NUP88: variants seen among roughly 807,000 people sequenced by gnomAD.
The protein encoded by NUP88 is nucleoporin 88, also known as nuclear pore complex protein Nup88.
In NUP88, 57 loss-of-function variants were observed where a neutral mutation model predicts 93.9. The observed-to-expected ratio is 0.61, with a 90% CI of 0.49 to 0.76. The LOEUF is 0.76. Among genes scored for constraint, NUP88 ranks in the 30% least tolerant of loss-of-function variants. The pLI is 0.00. For missense variants in NUP88, 911 were observed against 901.0 expected (o/e 1.01, Z -0.14); for synonymous variants, 346 against 336.8 (o/e 1.03, Z -0.30).
intron 8 of NUP88, among the ~76,000 whole-genome samples, chr17:5,398,806 T>C (rs1382078801): frequency 6.6e-6 from 1 of 150,972 alleles, no homozygotes; most frequent in Non-Finnish European, 1.5e-5. Flanking sequence ...TTGGCCAGGA[T>C]GGTCTCAATC....
rs1178147535 is a variant in NUP88 at position 5,419,485 on chromosome 17, G to A, written c.166C>T (p.Leu56=). 3 of 1,613,928 alleles carry A rather than the reference G, an allele frequency of 1.9e-6. No homozygotes were observed. The highest frequency in any genetic ancestry group is 2.7e-5 in the African/African-American group (2 of 74,942). The change falls in exon 1 of 17, where the codon CTG becomes TTG. Residue 56 remains leucine, a synonymous_variant. Transcript: ENST00000573584. ...SLPSSPPPQL[L]TRNVVFGLGG... is the part of the protein sequence containing the mutation. The stretch of plus-strand genomic sequence containing the variant: ...AGGCCAAAGACCACGTTTCTCGTCA[G>A]CAACTGCGGCGGCGGCGACGAAGGC...
chr17:5,404,755 T>C (rs1913393901), intron 6 of NUP88, among the ~76,000 whole-genome samples: 1 of 152,184 alleles, frequency 6.6e-6, no homozygotes, highest in African/African-American at 2.4e-5. Flanking sequence ...TTTAGGAAGA[T>C]GTTTGTGAAA....
chr17:5,397,715 A>G (rs1244653456), intron 8 of NUP88, among the ~76,000 whole-genome samples: 1 of 150,848 alleles, frequency 6.6e-6, no homozygotes, highest in East Asian at 2.0e-4. Context: ...CCAATAACGG[A>G]TTCAGTCTTT....
At chr17:5,404,923 A>T in intron 6 of NUP88, 134 bp downstream of exon 6, 1 of 821,582 alleles carries the variant, frequency 1.2e-6, no homozygotes, top group Non-Finnish European at 1.9e-6. Flanking sequence ...CTACTTTTTT[A>T]ACTGTTTAAT....
At chr17:5,392,460 C>T (rs972472491) in intron 9 of NUP88, among the ~76,000 whole-genome samples, 1 of 152,208 alleles carries the variant, frequency 6.6e-6, no homozygotes, top group African/African-American at 2.4e-5. Context: ...GTTCCCCTTC[C>T]ATAGCTCCCA....
chr17:5,419,486 C>A lies in NUP88; in HGVS notation c.165G>T (p.Leu55Phe). ...SSLPSSPPPQ[L>F]LTRNVVFGLG... ...GGCCAAAGACCACGTTTCTCGTCAG[C>A]AACTGCGGCGGCGGCGACGAAGGCA... Residue 55 changes from leucine (L) to phenylalanine (F), a missense_variant, in exon 1 of 17, where the codon TTG becomes TTT. Coordinates refer to ENST00000573584, the MANE Select transcript of NUP88 (RefSeq NM_002532.6). The A allele has an allele frequency of 6.2e-7, 1 of 1,614,070 alleles. No homozygotes were observed. Among genetic ancestry groups the A allele is most frequent in the Middle Eastern group, 1.7e-4 (1 of 6,060 alleles).
intron 15 of NUP88, 34 bp downstream of exon 15, chr17:5,386,950 T>G: frequency 6.2e-7 from 1 of 1,604,340 alleles, no homozygotes; most frequent in Non-Finnish European, 8.5e-7. Context: ...TTAAGAAAAA[T>G]TACCAAATTT....
At chr17:5,387,277 G>T in intron 14 of NUP88, 109 bp downstream of exon 14, 1 of 1,261,134 alleles carries the variant, frequency 7.9e-7, no homozygotes, top group South Asian at 1.3e-5. Flanking sequence ...AGGAGAGGCA[G>T]GGGGATCAGT....
rs965174693 is a variant in NUP88 at position 5,404,733 on chromosome 17, C to T, written c.1044+324G>A. On this transcript the variant is annotated intron_variant, in intron 6 of 16. Transcript: ENST00000573584. Reference sequence around the variant, plus strand: ...GTGCACTGTTATTCTGAAGACAAAACGTCTCTCTTCCTTTAGGAAGATGTT... The same window carrying T: ...GTGCACTGTTATTCTGAAGACAAAATGTCTCTCTTCCTTTAGGAAGATGTT... 5.9e-5 allele frequency among the ~76,000 whole-genome samples: 9 copies of T among 152,278 alleles called. No homozygotes were observed. In the East Asian group the frequency reaches 1.4e-3, roughly 23 times the overall value.
intron 9 of NUP88, 42 bp downstream of exon 9, chr17:5,394,849 G>T: frequency 7.6e-7 from 1 of 1,316,356 alleles, no homozygotes; most frequent in Non-Finnish European, 1.1e-6. Context: ...CTGCTGAAAT[G>T]AACAATTGTT....
In NUP88 at chr17:5,387,145, G is replaced by T. The variant is rs373363774; in HGVS notation, c.1917-35C>A. On this transcript the variant is annotated intron_variant, in intron 14 of 16. Coordinates refer to ENST00000573584, the MANE Select transcript of NUP88 (RefSeq NM_002532.6). Reference sequence around the variant, plus strand: ...AGGCAAGCAAACATCTCAATTTAAGGTCTCTACTAATTAGGAGAAACATAA... The same window carrying T: ...AGGCAAGCAAACATCTCAATTTAAGTTCTCTACTAATTAGGAGAAACATAA... The T allele has an allele frequency of 2.0e-5, 32 of 1,607,418 alleles. No homozygotes were observed. The East Asian group carries it at 7.1e-4, about 36-fold the overall frequency.
Position 5,387,381 on chromosome 17 carries a change from C to A in NUP88, c.1916+5G>T. On this transcript the variant is annotated splice_donor_5th_base_variant and intron_variant, in intron 14 of 16. Coordinates refer to ENST00000573584, the MANE Select transcript of NUP88 (RefSeq NM_002532.6). ...AGGTAACTAAATGTTATACAGCCCA[C>A]TGACCTGTTCATGATATCCTCTTGT... 1 of 1,611,358 alleles carries A rather than the reference C, an allele frequency of 6.2e-7. No individual in the cohort carries two copies. Among genetic ancestry groups the A allele is most frequent in the Non-Finnish European group, 8.5e-7 (1 of 1,177,526 alleles).
chr17:5,397,025 G>A (rs1303061759), intron 8 of NUP88, among the ~76,000 whole-genome samples: 1 of 152,050 alleles, frequency 6.6e-6, no homozygotes, highest in Non-Finnish European at 1.5e-5. Flanking sequence ...TTTTGTAATA[G>A]TATTCTTGAA....
chr17:5,418,060 C>T (rs562545434), intron 1 of NUP88: 1 of 150,144 alleles, frequency 6.7e-6, no homozygotes, highest in Non-Finnish European at 1.5e-5. Context: ...AGAAGAATCG[C>T]TTGAAACTGG....
intron 5 of NUP88, among the ~76,000 whole-genome samples, chr17:5,405,559 C>T (rs1440729381): frequency 6.6e-6 from 1 of 152,128 alleles, no homozygotes; most frequent in African/African-American, 2.4e-5. Flanking sequence ...AACATTCCCG[C>T]ACAGCACAGC....
rs1914423324 is a variant in NUP88 at position 5,419,221 on chromosome 17, C to T, written c.297+133G>A. 1.2e-5 allele frequency: 13 copies of T among 1,046,656 alleles called. No homozygotes were observed. The South Asian group carries it at 2.3e-4, about 18-fold the overall frequency. The allele number at this position is 1,046,656 out of a possible 1,614,324, so 64.8% of individuals were successfully genotyped here. A position where few individuals can be genotyped will look rare whatever the true frequency, so the allele number is the denominator to read the frequency against. On this transcript the variant is annotated intron_variant, in intron 1 of 16. Coordinates refer to ENST00000573584, the MANE Select transcript of NUP88 (RefSeq NM_002532.6). ...TCGAGAGAGCCTGAGTCCCCGCGAC[C>T]GCGTATGGCAGCGTCGGAGTCAATC... is the stretch of plus-strand genomic sequence containing the variant.
At position 5,400,053 on chromosome 17, in the gene NUP88, A is replaced by G. The variant is rs183536674; in HGVS notation, c.1193-403T>C. On this transcript the variant is annotated intron_variant, in intron 7 of 16. Transcript: ENST00000573584. Reference sequence around the variant, plus strand: ...ACCTTAACCATTTTTTATTGCTAAAAAATGCTGACACAGAGACAGCACGTG... The same window carrying G: ...ACCTTAACCATTTTTTATTGCTAAAGAATGCTGACACAGAGACAGCACGTG... 8.0e-5 allele frequency among the ~76,000 whole-genome samples: 10 copies of G among 125,766 alleles called. No homozygotes were observed. In the East Asian group the frequency reaches 4.1e-3, roughly 52 times the overall value. 82.5% of individuals were successfully genotyped at this position (125,766 alleles called of 152,430 possible).
At chr17:5,409,371 T>G (rs1913692409) in intron 4 of NUP88, among the ~76,000 whole-genome samples, 1 of 99,444 alleles carries the variant, frequency 1.0e-5, no homozygotes, top group African/African-American at 4.1e-5. Context: ...CGAAACTCCG[T>G]CTCAAAAAAA....
In NUP88 at chr17:5,405,155, A is replaced by G; in HGVS notation, c.946T>C (p.Cys316Arg). The change falls in exon 6 of 17, where the codon TGC (cysteine) becomes CGC (arginine). Residue 316 changes from cysteine to arginine, a missense_variant. Physicochemically the swap from Cys to Arg is radical, Grantham distance 180. Transcript: ENST00000573584. ...AAGATATTGGGGACACAGGGTAAGC[A>G]GAGTACAGCACACGCATCATAACCA... Reference protein sequence around the residue: ...NYGYDACAVLCLPCVPNILVI... With the variant: ...NYGYDACAVLRLPCVPNILVI... The G allele has an allele frequency of 6.2e-7, 1 of 1,614,210 alleles. No individual in the cohort carries two copies. The highest frequency in any genetic ancestry group is 8.5e-7 in the Non-Finnish European group (1 of 1,180,024).
Sources: allele counts gnomAD v4.1 joint callset (sites outside exome capture counted in the v4.1 genomes callset), GRCh38; gene constraint gnomAD v4.1.1; transcripts MANE v1.5; gene names NCBI Gene and HGNC (gene_info 2026-07-23, HGNC 2026-07-21).